Variants in ZFPM2 observed in about 807,000 individuals in gnomAD.
The protein encoded by ZFPM2 is zinc finger protein, FOG family member 2, also known as zinc finger protein ZFPM2.
In ZFPM2, 20 loss-of-function variants were observed where a neutral mutation model predicts 98.6. The ratio of observed to expected loss-of-function variants is 0.20; its 90% CI spans 0.14 to 0.29. The LOEUF (loss-of-function observed/expected upper bound fraction) is 0.29, where lower values mean the gene tolerates loss of function less well. Among genes scored for constraint, ZFPM2 ranks in the 10% least tolerant of loss-of-function variants. ZFPM2 has a pLI of 1.00. For missense variants in ZFPM2, 1,310 were observed against 1,388.6 expected (o/e 0.94, Z 0.90); for synonymous variants, 518 against 502.7 (o/e 1.03, Z -0.41).
intron 5 of ZFPM2, among the ~76,000 whole-genome samples, chr8:105,653,854 CTTTTTTTTTTTT>C (rs60218363): frequency 2.0e-4 from 7 of 35,286 alleles, no homozygotes; most frequent in Admixed American, 5.7e-4. Context: ...TGTGTGCTAT[CTTTTTTTTTTTT>C]TTTTTTTTTT....
intron 4 of ZFPM2, among the ~76,000 whole-genome samples, chr8:105,608,551 G>A (rs1393531485): frequency 7.0e-6 from 1 of 142,842 alleles, no homozygotes; most frequent in East Asian, 2.1e-4. Flanking sequence ...ATATTATTTA[G>A]AGTTTAGAAA....
intron 4 of ZFPM2, among the ~76,000 whole-genome samples, chr8:105,624,905 T>G (rs1032061514): frequency 6.6e-6 from 1 of 152,216 alleles, no homozygotes; most frequent in African/African-American, 2.4e-5. Flanking sequence ...ATCATTTTAT[T>G]TCACACTCAT....
chr8:105,431,778 G>A (rs1812024540), intron 2 of ZFPM2, among the ~76,000 whole-genome samples: 1 of 151,920 alleles, frequency 6.6e-6, no homozygotes, highest in South Asian at 2.1e-4. Context: ...AACCTAGCAG[G>A]GCATGGTGGT....
At chr8:105,767,885 T>G (rs1812891046) in intron 5 of ZFPM2, among the ~76,000 whole-genome samples, 1 of 151,920 alleles carries the variant, frequency 6.6e-6, no homozygotes, top group Non-Finnish European at 1.5e-5. Flanking sequence ...GAAAAAACCC[T>G]ATTTTTTCCT....
intron 2 of ZFPM2, among the ~76,000 whole-genome samples, chr8:105,441,613 G>C (rs181753762): frequency 1.1e-3 from 166 of 152,098 alleles, no homozygotes; most frequent in Admixed American, 9.9e-3. Context: ...GAAGGGACAA[G>C]CAGAGAATGT....
Position 105,326,186 on chromosome 8 carries a change from C to T in ZFPM2, c.40+7205C>T, listed in dbSNP as rs7824453. ...AACAATAAGGTGAAGGAATAAATGC[C>T]TTTGGAGAATTCCTACAAATATAAT... On this transcript the variant is annotated intron_variant, in intron 1 of 7. Transcript: ENST00000407775. Among the ~76,000 whole-genome samples, 517 of 151,658 alleles carry T rather than the reference C, an allele frequency of 3.4e-3. 3 individuals are homozygous for T. The highest frequency in any genetic ancestry group is 0.012 in the African/African-American group (490 of 41,472).
intron 3 of ZFPM2, among the ~76,000 whole-genome samples, chr8:105,541,190 T>A (rs1016830290): frequency 1.3e-5 from 2 of 152,166 alleles, no homozygotes; most frequent in Non-Finnish European, 1.5e-5. Flanking sequence ...TGATGAAATA[T>A]TTTTTAAGTG....
intron 5 of ZFPM2, among the ~76,000 whole-genome samples, chr8:105,768,681 T>G (rs557255712): frequency 3.3e-5 from 5 of 152,084 alleles, no homozygotes; most frequent in Admixed American, 6.6e-5. Context: ...TGTGGATGAT[T>G]TATCCCTTGA....
At chr8:105,775,077 T>TAAAAAAAAAAAAAAAAA (rs397968210) in intron 5 of ZFPM2, among the ~76,000 whole-genome samples, 1 of 104,934 alleles carries the variant, frequency 9.5e-6, no homozygotes, top group Non-Finnish European at 2.0e-5. Flanking sequence ...CTCTTGGAAT[T>TAAAAAAAAAAAAAAAAA]AAAAAAAAAA....
intron 5 of ZFPM2, among the ~76,000 whole-genome samples, chr8:105,754,064 T>C (rs1370225484): frequency 6.6e-6 from 1 of 152,158 alleles, no homozygotes; most frequent in Non-Finnish European, 1.5e-5. Context: ...GTAGCTATCA[T>C]GGTAAAGTTA....
chr8:105,629,367 A>T (rs990728363), intron 4 of ZFPM2, among the ~76,000 whole-genome samples: 1 of 152,234 alleles, frequency 6.6e-6, no homozygotes, highest in African/African-American at 2.4e-5. Flanking sequence ...ATAACAAGGT[A>T]TATTTGATGT....
chr8:105,439,257 A>G (rs1189470895), intron 2 of ZFPM2, among the ~76,000 whole-genome samples: 2 of 152,160 alleles, frequency 1.3e-5, no homozygotes, highest in African/African-American at 4.8e-5. Flanking sequence ...ACCTGGCTAT[A>G]TAATTTTTAA....
intron 3 of ZFPM2, among the ~76,000 whole-genome samples, chr8:105,550,370 A>G (rs1351737255): frequency 6.6e-6 from 1 of 152,086 alleles, no homozygotes; most frequent in African/African-American, 2.4e-5. Flanking sequence ...AAGTTGTTAC[A>G]TTTTTTTGAA....
At chr8:105,538,624 A>G (rs1477517887) in intron 3 of ZFPM2, among the ~76,000 whole-genome samples, 4 of 151,930 alleles carry the variant, frequency 2.6e-5, no homozygotes, top group East Asian at 3.9e-4. Context: ...ACTTTATTCC[A>G]TATTATTATG....
intron 4 of ZFPM2, among the ~76,000 whole-genome samples, chr8:105,609,128 G>C (rs1202143305): frequency 6.6e-6 from 1 of 152,056 alleles, no homozygotes; most frequent in African/African-American, 2.4e-5. Flanking sequence ...ATTCCCAGGG[G>C]ACATAAAAGG....
intron 4 of ZFPM2, among the ~76,000 whole-genome samples, chr8:105,576,662 T>C (rs1274930079): frequency 6.6e-6 from 1 of 152,212 alleles, no homozygotes; most frequent in African/African-American, 2.4e-5. Context: ...GATCTATTTG[T>C]ATGTATTTGT....
chr8:105,327,542 G>C (rs1419264845), intron 1 of ZFPM2, among the ~76,000 whole-genome samples: 5 of 151,626 alleles, frequency 3.3e-5, no homozygotes, highest in African/African-American at 7.3e-5. Context: ...AAGTTCAGTT[G>C]AGGGCCACAT....
chr8:105,575,051 G>T (rs148055250), intron 4 of ZFPM2, among the ~76,000 whole-genome samples: 162 of 152,038 alleles, frequency 1.1e-3, no homozygotes, highest in Middle Eastern at 6.8e-3. Flanking sequence ...GTTATTCTTG[G>T]TGCATTTCTT....
intron 1 of ZFPM2, among the ~76,000 whole-genome samples, chr8:105,379,590 C>T (rs946556424): frequency 9.2e-5 from 14 of 151,934 alleles, no homozygotes; most frequent in African/African-American, 7.3e-5. Context: ...CCCATGTCTA[C>T]GAAAAACACA....
Sources: gnomAD v4.1 joint callset for allele counts (sites outside exome capture counted in the v4.1 genomes callset) on GRCh38, gnomAD v4.1.1 for gene constraint, MANE v1.5 for transcripts, NCBI Gene and HGNC (gene_info 2026-07-23, HGNC 2026-07-21) for gene names.